The following SOCS7 variants were observed in gnomAD, a reference collection of about 807,000 sequenced individuals.
SOCS7 encodes NAP-4.
A neutral mutation model predicts 58.9 loss-of-function variants in SOCS7; 18 were observed. That is an observed-to-expected ratio of 0.31 (90% CI 0.21 to 0.45). SOCS7 has a LOEUF of 0.45. Ranked by LOEUF, SOCS7 falls within the 20% of genes least tolerant of loss-of-function variation. The probability of loss-of-function intolerance (pLI) is 1.00; values close to 1 mark genes in which losing one functional copy is unlikely to be tolerated. For missense variants in SOCS7, 667 were observed against 837.3 expected (o/e 0.80, Z 2.51); for synonymous variants, 388 against 364.3 (o/e 1.06, Z -0.74).
At chr17:38,398,212 G>GA (rs2038268879) in intron 9 of SOCS7, among the ~76,000 whole-genome samples, 1 of 151,698 alleles carries the variant, frequency 6.6e-6, no homozygotes, top group South Asian at 2.1e-4. Flanking sequence ...CCTGGAAAGG[G>GA]AGGAAGTAAC....
chr17:38,381,226 C>T (rs1397950573), intron 7 of SOCS7, among the ~76,000 whole-genome samples: 3 of 152,192 alleles, frequency 2.0e-5, no homozygotes, highest in East Asian at 1.9e-4. Context: ...TATTGCCCCT[C>T]GACCCTAAGT....
At chr17:38,382,838 G>C (rs934204387) in intron 7 of SOCS7, among the ~76,000 whole-genome samples, 14 of 152,150 alleles carry the variant, frequency 9.2e-5, no homozygotes, top group Admixed American at 8.5e-4. Context: ...TGTAACCCTT[G>C]TTAAGTTTAT....
In SOCS7 at chr17:38,403,964, T is replaced by C. The variant is rs565167569; in HGVS notation, c.*4482T>C. On this transcript the variant is annotated 3_prime_UTR_variant, in exon 10 of 10. Coordinates refer to ENST00000612932, the MANE Select transcript of SOCS7 (RefSeq NM_014598.4). ...TTGCTCCTGGGGAGTAAAACCTTTT[T>C]TATTAAAAAAAGAAAAAGAAAAAAA... The C allele has an allele frequency of 1.6e-4, 24 of 152,076 alleles. No individual in the cohort carries two copies. The highest frequency in any genetic ancestry group is 5.8e-4 in the African/African-American group (24 of 41,488). 9.4% of individuals were successfully genotyped at this position (152,076 alleles called of 1,614,324 possible).
At chr17:38,380,160 C>G (rs1430229850) in intron 7 of SOCS7, among the ~76,000 whole-genome samples, 1 of 152,170 alleles carries the variant, frequency 6.6e-6, no homozygotes, top group African/African-American at 2.4e-5. Flanking sequence ...CAAATGTACC[C>G]TGTCTGCAGA....
chr17:38,393,875 G>T (rs1315216958), intron 7 of SOCS7, among the ~76,000 whole-genome samples: 1 of 152,188 alleles, frequency 6.6e-6, no homozygotes, highest in African/African-American at 2.4e-5. Flanking sequence ...ACCCCAGCCT[G>T]GGCGACAGAG....
intron 7 of SOCS7, among the ~76,000 whole-genome samples, chr17:38,385,770 G>A (rs1281931184): frequency 6.6e-6 from 1 of 152,002 alleles, no homozygotes; most frequent in African/African-American, 2.4e-5. Flanking sequence ...GAATAATTGG[G>A]CTGTTTGACC....
chr17:38,370,870 C>T (rs1402764874), intron 6 of SOCS7, among the ~76,000 whole-genome samples: 2 of 151,152 alleles, frequency 1.3e-5, no homozygotes, highest in Admixed American at 6.6e-5. Context: ...AAGCTTGTCT[C>T]GAACTCCTGA....
At chr17:38,394,465 C>T (rs1016808932) in intron 7 of SOCS7, among the ~76,000 whole-genome samples, 2 of 152,150 alleles carry the variant, frequency 1.3e-5, no homozygotes, top group African/African-American at 4.8e-5. Context: ...TTGATCCTAG[C>T]TGTTACCTTC....
At chr17:38,368,095 T>C (rs1179001622) in intron 6 of SOCS7, 45 bp downstream of exon 6, 29 of 1,529,000 alleles carry the variant, frequency 1.9e-5, no homozygotes, top group Non-Finnish European at 2.4e-5. Context: ...CTTGATTTGC[T>C]CTACCTTTGC....
At position 38,352,777 on chromosome 17, in the gene SOCS7, G is replaced by GGGAGCA; in HGVS notation, c.727_732dup (p.Glu243_Gln244dup). On this transcript the variant is annotated inframe_insertion, in exon 1 of 10. Transcript: ENST00000612932. The surrounding 1 kb of genome is among the most constrained non-coding windows in gnomAD (Gnocchi z 5.5). Reference sequence around the variant, plus strand: ...GTCCCTCTGGGGCGCCTGAGTAGAGGGGAGCAGCAGCAGCAGCAGCAGCAG... The same window carrying GGGAGCA: ...GTCCCTCTGGGGCGCCTGAGTAGAGGGGAGCAGGAGCAGCAGCAGCAGCAGCAGCAG... 2 of 1,549,576 alleles carry GGGAGCA rather than the reference G, an allele frequency of 1.3e-6. No individual in the cohort carries two copies. Among genetic ancestry groups the GGGAGCA allele is most frequent in the Non-Finnish European group, 1.7e-6 (2 of 1,147,280 alleles).
intron 1 of SOCS7, among the ~76,000 whole-genome samples, chr17:38,354,903 T>C (rs1412818672): frequency 6.6e-6 from 1 of 152,216 alleles, no homozygotes; most frequent in Non-Finnish European, 1.5e-5. Context: ...TATGACATTA[T>C]ACGGTTTTTT....
intron 7 of SOCS7, among the ~76,000 whole-genome samples, chr17:38,389,311 T>C (rs1428305801): frequency 6.6e-6 from 1 of 152,228 alleles, no homozygotes; most frequent in East Asian, 1.9e-4. Flanking sequence ...AGCCCAGTAC[T>C]TAGGGAGGCC....
intron 6 of SOCS7, among the ~76,000 whole-genome samples, chr17:38,373,415 C>G (rs2037892449): frequency 6.6e-6 from 1 of 152,092 alleles, no homozygotes; most frequent in Admixed American, 6.6e-5. Context: ...GTGCCCTATT[C>G]TGGGGAAAAG....
chr17:38,356,522 G>A (rs1288014742), intron 1 of SOCS7, among the ~76,000 whole-genome samples: 3 of 151,714 alleles, frequency 2.0e-5, no homozygotes, highest in Admixed American at 6.6e-5. Flanking sequence ...ACGCCACCAC[G>A]CCTGGCTAAT....
At chr17:38,397,379 G>C (rs2038258371) in intron 9 of SOCS7, among the ~76,000 whole-genome samples, 1 of 152,170 alleles carries the variant, frequency 6.6e-6, no homozygotes, top group Non-Finnish European at 1.5e-5. Context: ...GTGCATGACT[G>C]CTCCCAACAC....
chr17:38,365,913 T>G (rs2037782942), intron 4 of SOCS7: 1 of 921,046 alleles, frequency 1.1e-6, no homozygotes, highest in Admixed American at 5.5e-5. Context: ...ATCATTACTC[T>G]TCCTGGGCAA....
intron 6 of SOCS7, among the ~76,000 whole-genome samples, chr17:38,374,381 T>C (rs2037905379): frequency 6.6e-6 from 1 of 151,912 alleles, no homozygotes; most frequent in South Asian, 2.1e-4. Context: ...CCACAAAAGA[T>C]ACAAAAATTA....
chr17:38,387,125 A>G lies in SOCS7; in HGVS notation c.1682-8184A>G, dbSNP rs1464093115. On this transcript the variant is annotated intron_variant, in intron 7 of 9. Coordinates refer to ENST00000612932, the MANE Select transcript of SOCS7 (RefSeq NM_014598.4). Reference sequence around the variant, plus strand: ...AAAATATATATATATATATATATATATATGTATGTATATATATATATATAT... The same window carrying G: ...AAAATATATATATATATATATATATGTATGTATGTATATATATATATATAT... Among the ~76,000 whole-genome samples, 187 of 102,770 alleles carry G rather than the reference A, an allele frequency of 1.8e-3. 1 individual carries two copies. Among genetic ancestry groups the G allele is most frequent in the Middle Eastern group, 5.4e-3 (1 of 186 alleles). The allele number at this position is 102,770 out of a possible 152,430, so 67.4% of individuals were successfully genotyped here. A position where few individuals can be genotyped will look rare whatever the true frequency, so the allele number is the denominator to read the frequency against.
At chr17:38,391,103 G>T (rs1371826803) in intron 7 of SOCS7, among the ~76,000 whole-genome samples, 2 of 151,742 alleles carry the variant, frequency 1.3e-5, no homozygotes, top group African/African-American at 4.8e-5. Context: ...ATTATTTTTG[G>T]ATTGTTTATA....
Sources: allele counts gnomAD v4.1 joint callset (sites outside exome capture counted in the v4.1 genomes callset), GRCh38; gene constraint gnomAD v4.1.1; non-coding constraint Gnocchi (gnomAD v3.1); transcripts MANE v1.5; gene names NCBI Gene and HGNC (gene_info 2026-07-23, HGNC 2026-07-21).